Variants in CCDC91 observed in about 807,000 individuals in gnomAD.
CCDC91 encodes coiled-coil domain-containing protein 91.
In CCDC91, 48 loss-of-function variants were observed where a neutral mutation model predicts 63.2. The observed-to-expected ratio is 0.76, with a 90% CI of 0.60 to 0.97. The LOEUF (loss-of-function observed/expected upper bound fraction) is 0.97. Ranked by LOEUF, CCDC91 falls within the 50% of genes least tolerant of loss-of-function variation. The probability of loss-of-function intolerance (pLI) is 0.00; values close to 1 mark genes in which losing one functional copy is unlikely to be tolerated. For synonymous variants in CCDC91, 167 were observed against 165.8 expected, an observed-to-expected ratio of 1.01 and a Z score of -0.06; for missense variants, 500 against 494.6, an observed-to-expected ratio of 1.01 and a Z score of -0.10.
chr12:28,280,806 G>A (rs1948556457), intron 3 of CCDC91, among the ~76,000 whole-genome samples: 1 of 134,426 alleles, frequency 7.4e-6, no homozygotes, highest in South Asian at 2.6e-4. Context: ...TAGTGAGACC[G>A]CGTTTCTTTA....
chr12:28,548,727 A>T (rs1943148730), intron 12 of CCDC91, among the ~76,000 whole-genome samples: 1 of 151,996 alleles, frequency 6.6e-6, no homozygotes. Flanking sequence ...TGTATCTGTA[A>T]TATATTTGTG....
chr12:28,514,236 G>A (rs534343057), intron 12 of CCDC91, among the ~76,000 whole-genome samples: 47 of 151,952 alleles, frequency 3.1e-4, no homozygotes, highest in Admixed American at 5.3e-4. Flanking sequence ...TTCTTCATAC[G>A]TCTGTTGGCC....
At chr12:28,362,396 A>G (rs2138573520) in intron 6 of CCDC91, 42 bp from the exon 7 acceptor site, 1 of 1,396,018 alleles carries the variant, frequency 7.2e-7, no homozygotes, top group Non-Finnish European at 9.8e-7. Flanking sequence ...TGAAAACAAA[A>G]CAGAAGAAAA....
chr12:28,523,194 A>T (rs1484776470), intron 12 of CCDC91, among the ~76,000 whole-genome samples: 1 of 151,968 alleles, frequency 6.6e-6, no homozygotes, highest in Non-Finnish European at 1.5e-5. Context: ...TCCCATTATT[A>T]TTGTGTGGGA....
intron 1 of CCDC91, among the ~76,000 whole-genome samples, chr12:28,255,378 G>T (rs1195181146): frequency 6.6e-6 from 1 of 152,094 alleles, no homozygotes; most frequent in African/African-American, 2.4e-5. Context: ...AGATTCATGG[G>T]ATACATGTGG....
chr12:28,538,628 GGGAT>G (rs1247550463), intron 12 of CCDC91, among the ~76,000 whole-genome samples: 12 of 152,116 alleles, frequency 7.9e-5, no homozygotes, highest in Admixed American at 3.3e-4. Flanking sequence ...ACCCAGTAAT[GGGAT>G]GGCTGGGTCA....
chr12:28,447,276 T>C (rs2140292699), intron 8 of CCDC91, among the ~76,000 whole-genome samples: 1 of 152,126 alleles, frequency 6.6e-6, no homozygotes, highest in South Asian at 2.1e-4. Flanking sequence ...AATAATGCTA[T>C]ATACTATAGA....
chr12:28,251,075 A>G (rs1158263729), intron 1 of CCDC91, among the ~76,000 whole-genome samples: 1 of 152,050 alleles, frequency 6.6e-6, no homozygotes, highest in Non-Finnish European at 1.5e-5. Flanking sequence ...TCTAGGAAAC[A>G]TGGCATTAAA....
intron 3 of CCDC91, among the ~76,000 whole-genome samples, chr12:28,281,016 C>T (rs575368059): frequency 4.1e-4 from 62 of 151,828 alleles, no homozygotes; most frequent in Non-Finnish European, 5.7e-4. Flanking sequence ...TGCAATATGG[C>T]TTTCTGTTTG....
At chr12:28,397,778 A>G (rs1445970519) in intron 8 of CCDC91, among the ~76,000 whole-genome samples, 8 of 152,142 alleles carry the variant, frequency 5.3e-5, no homozygotes, top group Non-Finnish European at 8.8e-5. Flanking sequence ...ATTAATAGAT[A>G]TATATAAAAT....
chr12:28,201,658 T>C (rs1942445805), intron 1 of CCDC91, among the ~76,000 whole-genome samples: 1 of 145,502 alleles, frequency 6.9e-6, no homozygotes, highest in Admixed American at 6.8e-5. Context: ...TCTGGGCACT[T>C]TGGGAGGCCA....
chr12:28,208,415 A>G (rs1368936584), intron 1 of CCDC91, among the ~76,000 whole-genome samples: 1 of 152,226 alleles, frequency 6.6e-6, no homozygotes, highest in African/African-American at 2.4e-5. Context: ...TCACTAAAGT[A>G]TAACTTGGAG....
At chr12:28,507,865 A>C (rs1938925609) in intron 12 of CCDC91, among the ~76,000 whole-genome samples, 1 of 151,914 alleles carries the variant, frequency 6.6e-6, no homozygotes, top group Non-Finnish European at 1.5e-5. Context: ...GGATCAGGCA[A>C]AATATAGTTG....
At chr12:28,225,214 A>G (rs1051049782) in intron 1 of CCDC91, among the ~76,000 whole-genome samples, 1 of 152,172 alleles carries the variant, frequency 6.6e-6, no homozygotes, top group African/African-American at 2.4e-5. Context: ...TGATGAGAGA[A>G]AACTTATAAA....
In CCDC91 at chr12:28,306,915, A is replaced by G; in HGVS notation, c.441A>G (p.Val147=). The change falls in exon 5 of 13, where the codon GTA becomes GTG. Residue 147 remains valine, a synonymous_variant. Transcript: ENST00000536442. ...CAAGTCTGGAGATTAAACTCAAAGT[A>G]TCTGAAGAAGAAAAACAGAGAATTA... is the stretch of plus-strand genomic sequence containing the variant. ...KISSLEIKLK[V]SEEEKQRIKQ... The G allele has an allele frequency of 6.2e-7, 1 of 1,610,288 alleles. No homozygotes were observed.
chr12:28,241,808 C>T (rs1360163513), intron 1 of CCDC91, among the ~76,000 whole-genome samples: 2 of 151,686 alleles, frequency 1.3e-5, no homozygotes, highest in South Asian at 2.1e-4. Flanking sequence ...TCAGCCTGGC[C>T]AACATGGCAA....
intron 3 of CCDC91, among the ~76,000 whole-genome samples, chr12:28,297,688 C>T (rs1301519704): frequency 6.6e-6 from 1 of 151,746 alleles, no homozygotes; most frequent in Non-Finnish European, 1.5e-5. Context: ...TGTTGTTGGG[C>T]ACACCTGATT....
intron 6 of CCDC91, among the ~76,000 whole-genome samples, chr12:28,357,110 G>T (rs74615933): frequency 6.6e-6 from 1 of 152,114 alleles, no homozygotes; most frequent in Admixed American, 6.5e-5. Flanking sequence ...TATTCATATC[G>T]TGTATTGTCA....
At chr12:28,332,322 A>G (rs182062683) in intron 6 of CCDC91, among the ~76,000 whole-genome samples, 190 of 152,292 alleles carry the variant, frequency 1.2e-3, no homozygotes, top group African/African-American at 4.4e-3. Context: ...TAAGCGATTT[A>G]AGAGTGACTT....
Sources: gnomAD v4.1 joint callset for allele counts (sites outside exome capture counted in the v4.1 genomes callset) on GRCh38, gnomAD v4.1.1 for gene constraint, MANE v1.5 for transcripts, NCBI Gene and HGNC (gene_info 2026-07-23, HGNC 2026-07-21) for gene names.